The following DNAH10 variants were observed in gnomAD, a reference collection of about 807,000 sequenced individuals.
The protein encoded by DNAH10 is dynein axonemal heavy chain 10.
Under a neutral mutation model 506.6 loss-of-function variants are expected in DNAH10, and 348 were observed. The ratio of observed to expected loss-of-function variants is 0.69; its 90% CI spans 0.63 to 0.75. The LOEUF (loss-of-function observed/expected upper bound fraction) is 0.75. Ranked by LOEUF, DNAH10 falls within the 30% of genes least tolerant of loss-of-function variation. The pLI is 0.00. For missense variants in DNAH10, 5,179 were observed against 5,787.1 expected, an observed-to-expected ratio of 0.89 and a Z score of 3.41; for synonymous variants, 2,059 against 2,198.6, an observed-to-expected ratio of 0.94 and a Z score of 1.78.
Position 123,849,048 on chromosome 12 carries a change from A to G in DNAH10, c.6102+166A>G, listed in dbSNP as rs143092530. ...TTGAGATGATTGGGTTTCCAAAATT[A>G]TCATCATTGATGATAAGGTTTGTAA... On this transcript the variant is annotated intron_variant, in intron 34 of 78. Transcript: ENST00000673944. Among the ~76,000 whole-genome samples the G allele has an allele frequency of 1.7e-3, 262 of 152,278 alleles. 1 individual carries two copies. The highest frequency in any genetic ancestry group is 6.1e-3 in the African/African-American group (252 of 41,556).
intron 10 of DNAH10, among the ~76,000 whole-genome samples, chr12:123,788,731 T>C (rs1345013136): frequency 2.0e-5 from 3 of 151,948 alleles, no homozygotes; most frequent in Non-Finnish European, 2.9e-5. Context: ...AATTTGAGAC[T>C]GGCCTGGGCA....
chr12:123,875,406 C>T lies in DNAH10; in HGVS notation c.8114C>T (p.Ser2705Leu), dbSNP rs751315749. 1.7e-5 allele frequency: 27 copies of T among 1,613,992 alleles called. No individual in the cohort carries two copies. The highest frequency in any genetic ancestry group is 1.8e-5 in the Non-Finnish European group (21 of 1,179,894). ...GRNEVDPRFI[S>L]LFSVFNVPFP... ...AATGAAGTTGACCCAAGATTTATTT[C>T]GCTATTCAGTGTCTTCAATGTGCCA... The change falls in exon 47 of 79, where the codon TCG (serine) becomes TTG (leucine). Residue 2705 changes from serine to leucine, a missense_variant. Ser to Leu is a moderately radical substitution (Grantham distance 145, BLOSUM62 -2). This residue lies in a region of DNAH10 where 4,844 missense variants were observed against 5,430.5 expected (regional missense o/e 0.89). Coordinates refer to ENST00000673944, the MANE Select transcript of DNAH10 (RefSeq NM_001372106.1).
chr12:123,830,722 G>C, intron 26 of DNAH10, 23 bp downstream of exon 26: 1 of 1,583,702 alleles, frequency 6.3e-7, no homozygotes, highest in Non-Finnish European at 8.6e-7. Context: ...TTAAAAACAG[G>C]CTGGAGAAAA....
In DNAH10 at chr12:123,785,767, T is replaced by G. The variant is rs568999192; in HGVS notation, c.1252T>G (p.Phe418Val). Residue 418 changes from phenylalanine (F) to valine (V), a missense_variant, in exon 9 of 79, where the codon TTC becomes GTC. Transcript: ENST00000673944. This position sits in a 1 kb window ranked among gnomAD's most constrained non-coding sequence, Gnocchi z 4.1. ...YFKNITHGSG[F>V]HVVLDTIPAM... ...TCAGAACATAACGCACGGGTCTGGC[T>G]TCCACGTGGTCCTGGACACCATCCC... 3.1e-6 allele frequency: 5 copies of G among 1,613,368 alleles called. No individual in the cohort carries two copies. The East Asian group carries it at 1.1e-4, about 36-fold the overall frequency.
intron 30 of DNAH10, among the ~76,000 whole-genome samples, chr12:123,844,383 G>A (rs559946073): frequency 6.6e-6 from 1 of 152,188 alleles, no homozygotes. Flanking sequence ...TTTAAGTGCA[G>A]TTTAGAAAAA....
chr12:123,773,433 A>C (rs1957329323), intron 4 of DNAH10, among the ~76,000 whole-genome samples: 1 of 152,246 alleles, frequency 6.6e-6, no homozygotes, highest in African/African-American at 2.4e-5. Context: ...GAATTGAGGA[A>C]GACTTGCTGG....
In DNAH10 at chr12:123,808,900, G is replaced by T. The variant is rs768393555; in HGVS notation, c.3091G>T (p.Glu1031Ter). The change falls in exon 19 of 79, where the codon GAG (glutamate) becomes TAG (stop). Residue 1031 changes from glutamate (E) to a stop codon, truncating the protein, a stop_gained. Coordinates refer to ENST00000673944, the MANE Select transcript of DNAH10 (RefSeq NM_001372106.1). LOFTEE classifies it high-confidence loss of function. ...GATCATCCTTCATCCCAACACAAATGAGATCGACAAGATGTGCTTCCATTG... is the reference window on the plus strand; with the variant it reads ...GATCATCCTTCATCCCAACACAAATTAGATCGACAAGATGTGCTTCCATTG... ...PEIILHPNTN[E>*]IDKMCFHCVR... The T allele has an allele frequency of 1.2e-6, 2 of 1,614,128 alleles. No homozygotes were observed. Among genetic ancestry groups the T allele is most frequent in the South Asian group, 2.2e-5 (2 of 91,078 alleles).
chr12:123,820,987 C>T (rs1396777662), intron 24 of DNAH10, among the ~76,000 whole-genome samples: 8 of 152,114 alleles, frequency 5.3e-5, no homozygotes, highest in Admixed American at 2.0e-4. Context: ...CGGTGGCTCA[C>T]GCCTGTAATC....
At position 123,881,756 on chromosome 12, in the gene DNAH10, AG is replaced by A; in HGVS notation, c.8771del (p.Gly2924AlafsTer24). 6 of 1,540,910 alleles carry A rather than the reference AG, an allele frequency of 3.9e-6. No homozygotes were observed. The highest frequency in any genetic ancestry group is 5.3e-6 in the Non-Finnish European group (6 of 1,141,746). ...DRGHALLVGVGGSGKQSLSRL... is the reference protein window; with the variant it reads ...DRGHALLVGVXGSGKQSLSRL... ...GCGGCCACGCCCTGCTGGTCGGGGT[AG>A]GGGGCTCAGGGAAGCAGTCTCTTTC... On this transcript the variant is annotated frameshift_variant, in exon 51 of 79. Coordinates refer to ENST00000673944, the MANE Select transcript of DNAH10 (RefSeq NM_001372106.1). LOFTEE classifies it high-confidence loss of function.
At chr12:123,929,547 C>T (rs2137698086) in intron 71 of DNAH10, 63 bp downstream of exon 71, 2 of 1,582,374 alleles carry the variant, frequency 1.3e-6, no homozygotes, top group Non-Finnish European at 8.6e-7. Context: ...TCCCGACTTT[C>T]CTCCGGGTTC....
chr12:123,864,760 A>G (rs1951739604), intron 40 of DNAH10, 30 bp downstream of exon 40: 5 of 1,582,390 alleles, frequency 3.2e-6, no homozygotes, highest in Non-Finnish European at 4.3e-6. Context: ...AAATTTGAAC[A>G]TAAATCTTTC....
In DNAH10 at chr12:123,928,100, C is replaced by T; in HGVS notation, c.12106-287C>T. 1.9e-6 allele frequency: 1 copy of T among 540,060 alleles called. No individual in the cohort carries two copies. 33.5% of individuals were successfully genotyped at this position (540,060 alleles called of 1,614,324 possible). ...AGGAGTCCTCAGGGGACAGGAGCGA[C>T]TGTGTGGGAGGAGCTGGGACTTCCA... On this transcript the variant is annotated intron_variant, in intron 69 of 78. Transcript: ENST00000673944. The surrounding 1 kb of genome is among the most constrained non-coding windows in gnomAD (Gnocchi z 4.9).
At chr12:123,892,491 T>A (rs886910682) in intron 52 of DNAH10, among the ~76,000 whole-genome samples, 8 of 152,146 alleles carry the variant, frequency 5.3e-5, no homozygotes, top group African/African-American at 1.9e-4. Context: ...GGGATCACAA[T>A]TCAACCTGAG....
chr12:123,772,992 T>C (rs764531959), intron 4 of DNAH10, 50 bp downstream of exon 4: 2 of 1,248,858 alleles, frequency 1.6e-6, no homozygotes, highest in South Asian at 1.3e-5. Context: ...GGTGTGGTTG[T>C]GCATGCACTT....
In DNAH10 at chr12:123,794,160, A is replaced by G. The variant is rs535644741; in HGVS notation, c.1986+48A>G. The G allele has an allele frequency of 3.7e-6, 4 of 1,074,304 alleles. No individual in the cohort carries two copies. In the South Asian group the frequency reaches 7.1e-5, roughly 19 times the overall value. The allele number at this position is 1,074,304 out of a possible 1,614,324, so 66.5% of individuals were successfully genotyped here. ...CCATAGCATTAAAAATACACTTGGCAAAATGTGAACAATTGAATCCCACTA... is the reference window on the plus strand; with the variant it reads ...CCATAGCATTAAAAATACACTTGGCGAAATGTGAACAATTGAATCCCACTA... On this transcript the variant is annotated intron_variant, in intron 12 of 78. Coordinates refer to ENST00000673944, the MANE Select transcript of DNAH10 (RefSeq NM_001372106.1).
Position 123,935,567 on chromosome 12 carries a change from C to T in DNAH10, c.*86C>T, listed in dbSNP as rs952048416. On this transcript the variant is annotated 3_prime_UTR_variant, in exon 79 of 79. Coordinates refer to ENST00000673944, the MANE Select transcript of DNAH10 (RefSeq NM_001372106.1). ...TCTGCTGTCATTTCTTGGGGCCTCT[C>T]AAGAGGCAGGAGGGGGACTGACACT... 3.6e-6 allele frequency: 5 copies of T among 1,407,144 alleles called. No homozygotes were observed. In the African/African-American group the frequency reaches 4.2e-5, roughly 12 times the overall value. 87.2% of individuals were successfully genotyped at this position (1,407,144 alleles called of 1,614,324 possible).
At position 123,928,738 on chromosome 12, in the gene DNAH10, CCT is replaced by C. The variant is rs1955057663; in HGVS notation, c.12306+158_12306+159del. The C allele has an allele frequency of 3.4e-6, 3 of 890,764 alleles. No homozygotes were observed. Among genetic ancestry groups the C allele is most frequent in the Admixed American group, 5.6e-5 (2 of 35,828 alleles). 55.2% of individuals were successfully genotyped at this position (890,764 alleles called of 1,614,324 possible). The stretch of plus-strand genomic sequence containing the variant: ...GCGGTTGAAACCCTTCTCAATCCCA[CCT>C]CTCTCTTTAGAGGGAGCCGCTGTCC... On this transcript the variant is annotated intron_variant, in intron 70 of 78. Transcript: ENST00000673944. The surrounding 1 kb of genome is among the most constrained non-coding windows in gnomAD (Gnocchi z 4.9).
chr12:123,787,812 G>C lies in DNAH10; in HGVS notation c.1430G>C (p.Arg477Pro), dbSNP rs765224002. 3.7e-6 allele frequency: 6 copies of C among 1,613,700 alleles called. No homozygotes were observed. Among genetic ancestry groups the C allele is most frequent in the Middle Eastern group, 3.3e-4 (2 of 6,056 alleles). ...VNLRTLFKEN[R>P]ASAQSKTLEA... ...ATCTCTTGGCTTCGCAGAGAAAATC[G>C]AGCGAGTGCCCAAAGCAAAACCTTG... The change falls in exon 10 of 79, where the codon CGA becomes CCA. Residue 477 changes from arginine (R) to proline (P), a missense_variant. Physicochemically the swap from Arg to Pro is moderately radical, Grantham distance 103. Around this residue, in one of 3 missense-constraint regions of DNAH10, gnomAD observed 4,844 missense variants for 5,430.5 expected, o/e 0.89. Coordinates refer to ENST00000673944, the MANE Select transcript of DNAH10 (RefSeq NM_001372106.1). This position sits in a 1 kb window ranked among gnomAD's most constrained non-coding sequence, Gnocchi z 4.6.
At position 123,918,913 on chromosome 12, in the gene DNAH10, A is replaced by G. The variant is rs756656135; in HGVS notation, c.11470A>G (p.Thr3824Ala). 5.0e-6 allele frequency: 8 copies of G among 1,613,572 alleles called. No individual in the cohort carries two copies. Among genetic ancestry groups the G allele is most frequent in the Non-Finnish European group, 6.8e-6 (8 of 1,179,772 alleles). The change falls in exon 65 of 79, where the codon ACG becomes GCG. Residue 3824 changes from threonine (T) to alanine (A), a missense_variant. By Grantham distance (58) the Thr-to-Ala change is moderately conservative. Around this residue, in one of 3 missense-constraint regions of DNAH10, gnomAD observed 4,844 missense variants for 5,430.5 expected, o/e 0.89. Coordinates refer to ENST00000673944, the MANE Select transcript of DNAH10 (RefSeq NM_001372106.1). ...LMKRLRNIMDTLTFSIYNHGC... is the reference protein window; with the variant it reads ...LMKRLRNIMDALTFSIYNHGC... The stretch of plus-strand genomic sequence containing the variant: ...GAAACGCCTGAGGAACATCATGGAC[A>G]CGCTGACCTTCAGCATCTATAACCA...
Sources: gnomAD v4.1 joint callset for allele counts (sites outside exome capture counted in the v4.1 genomes callset) on GRCh38, gnomAD v4.1.1 for gene constraint, gnomAD v4.1.1 regional missense constraint, Gnocchi (gnomAD v3.1) non-coding constraint, MANE v1.5 for transcripts, NCBI Gene and HGNC (gene_info 2026-07-23, HGNC 2026-07-21) for gene names.